The following UHRF2 variants were observed in gnomAD, a reference collection of about 807,000 sequenced individuals.
UHRF2 encodes ubiquitin like with PHD and ring finger domains 2.
A neutral mutation model predicts 96.8 loss-of-function variants in UHRF2; 23 were observed. That is an observed-to-expected ratio of 0.24 (90% CI 0.17 to 0.34). The LOEUF is 0.34. UHRF2 is among the 10% of genes least tolerant of loss of function. UHRF2 has a pLI of 1.00. For missense variants in UHRF2, 685 were observed against 981.5 expected, an observed-to-expected ratio of 0.70 and a Z score of 4.04; for synonymous variants, 385 against 332.6, an observed-to-expected ratio of 1.16 and a Z score of -1.72.
At chr9:6,440,229 A>C (rs1470228474) in intron 3 of UHRF2, among the ~76,000 whole-genome samples, 1 of 152,134 alleles carries the variant, frequency 6.6e-6, no homozygotes, top group Non-Finnish European at 1.5e-5. Flanking sequence ...AGTGTTTTTA[A>C]TAATATCTGT....
intron 9 of UHRF2, among the ~76,000 whole-genome samples, chr9:6,493,153 A>G (rs1435537228): frequency 2.0e-5 from 3 of 152,042 alleles, no homozygotes; most frequent in Non-Finnish European, 4.4e-5. Context: ...CAAAAGCTAG[A>G]CAGGCGTAGT....
intron 9 of UHRF2, among the ~76,000 whole-genome samples, chr9:6,489,875 G>A (rs577707596): frequency 6.6e-6 from 1 of 152,072 alleles, no homozygotes; most frequent in African/African-American, 2.4e-5. Context: ...ATAGAAAAGC[G>A]TGCTGGCTTT....
chr9:6,413,247 AGGCGGTGTCTGCGG>A lies in UHRF2; in HGVS notation c.-243_-230del, dbSNP rs924451504. On this transcript the variant is annotated 5_prime_UTR_variant, in exon 1 of 16. Transcript: ENST00000276893. ...CAGACATGGCCTCTTCCTATCTTTG[AGGCGGTGTCTGCGG>A]CAGCGCCTCAGAGTGGTTCCGGTCG... 1.1e-5 allele frequency: 2 copies of A among 187,568 alleles called. No homozygotes were observed. Among genetic ancestry groups the A allele is most frequent in the African/African-American group, 4.7e-5 (2 of 42,326 alleles). The allele number at this position is 187,568 out of a possible 1,614,324, so 11.6% of individuals were successfully genotyped here.
chr9:6,452,781 A>G (rs993769194), intron 3 of UHRF2, among the ~76,000 whole-genome samples: 1 of 152,164 alleles, frequency 6.6e-6, no homozygotes, highest in Non-Finnish European at 1.5e-5. Flanking sequence ...GATGCTTTGC[A>G]TTTGAGGTGC....
chr9:6,463,213 G>A (rs1015549206), intron 4 of UHRF2, among the ~76,000 whole-genome samples: 1 of 151,022 alleles, frequency 6.6e-6, no homozygotes, highest in African/African-American at 2.4e-5. Context: ...CCTGGGAGGC[G>A]CAGATTGCCG....
intron 10 of UHRF2, chr9:6,494,499 G>T (rs538153590): frequency 6.6e-6 from 1 of 152,270 alleles, no homozygotes; most frequent in East Asian, 1.9e-4. Flanking sequence ...GAGCCACCGT[G>T]TGCTGATCTT....
intron 4 of UHRF2, among the ~76,000 whole-genome samples, chr9:6,469,504 G>A (rs1484623357): frequency 2.0e-5 from 3 of 151,594 alleles, no homozygotes; most frequent in East Asian, 1.9e-4. Flanking sequence ...GCGACAGAGC[G>A]AGACTCTGTC....
chr9:6,434,887 G>A (rs1264435671), intron 3 of UHRF2, among the ~76,000 whole-genome samples: 1 of 151,976 alleles, frequency 6.6e-6, no homozygotes, highest in Admixed American at 6.6e-5. Flanking sequence ...CTGGAGTACA[G>A]CAATGTGATC....
chr9:6,494,626 C>G (rs772879120), intron 10 of UHRF2: 3 of 152,054 alleles, frequency 2.0e-5, no homozygotes, highest in Non-Finnish European at 2.9e-5. Context: ...GTAACCCAGA[C>G]CACCAGATAG....
intron 3 of UHRF2, among the ~76,000 whole-genome samples, chr9:6,445,739 CT>C (rs1199778649): frequency 6.6e-6 from 1 of 151,896 alleles, no homozygotes; most frequent in Non-Finnish European, 1.5e-5. Flanking sequence ...AAAAATTTTT[CT>C]TTTTGTAGAG....
At chr9:6,456,831 T>A (rs1220917206) in intron 3 of UHRF2, among the ~76,000 whole-genome samples, 1 of 152,186 alleles carries the variant, frequency 6.6e-6, no homozygotes, top group African/African-American at 2.4e-5. Context: ...TTGTCAAAGA[T>A]CAGATAGTTG....
chr9:6,426,046 A>G (rs1230724182), intron 2 of UHRF2, among the ~76,000 whole-genome samples: 3 of 152,222 alleles, frequency 2.0e-5, no homozygotes, highest in Non-Finnish European at 4.4e-5. Flanking sequence ...CAGTTTATGT[A>G]TCTGCACATC....
At chr9:6,438,695 G>C (rs1345808665) in intron 3 of UHRF2, among the ~76,000 whole-genome samples, 1 of 152,196 alleles carries the variant, frequency 6.6e-6, no homozygotes, top group Non-Finnish European at 1.5e-5. Flanking sequence ...ATGTTTGTCA[G>C]TTAAAATGGA....
Position 6,460,759 on chromosome 9 carries a change from C to A in UHRF2, c.831C>A (p.Thr277=). Residue 277 remains threonine (T), a synonymous_variant, in exon 4 of 16, where the codon ACC becomes ACA. Coordinates refer to ENST00000276893, the MANE Select transcript of UHRF2 (RefSeq NM_152896.3). ...EITTLKTISR[T]KKELRVKIFL... Reference sequence around the variant, plus strand: ...CCACATTGAAGACAATCTCAAGGACCAAAAAAGAACTTCGTGTGAAAATTT... The same window carrying A: ...CCACATTGAAGACAATCTCAAGGACAAAAAAAGAACTTCGTGTGAAAATTT... The A allele has an allele frequency of 6.2e-7, 1 of 1,611,546 alleles. No homozygotes were observed. The highest frequency in any genetic ancestry group is 1.3e-5 in the African/African-American group (1 of 74,764).
At chr9:6,495,951 G>A (rs1028157988) in intron 10 of UHRF2, 2 of 151,730 alleles carry the variant, frequency 1.3e-5, no homozygotes, top group Admixed American at 6.6e-5. Flanking sequence ...GTTGATGGCT[G>A]TGTTTTTTTC....
Position 6,455,219 on chromosome 9 carries a change from A to G in UHRF2, c.645-5354A>G, listed in dbSNP as rs567192422. Among the ~76,000 whole-genome samples the G allele has an allele frequency of 2.0e-5, 3 of 152,282 alleles. No homozygotes were observed. In the South Asian group the frequency reaches 6.2e-4, roughly 32 times the overall value. ...TTTGTTACATATGCATACATGTGCC[A>G]TGTTGGTGTGCTGCACCCATTAACT... On this transcript the variant is annotated intron_variant, in intron 3 of 15. Transcript: ENST00000276893.
At chr9:6,474,986 G>A (rs1435080822) in intron 4 of UHRF2, among the ~76,000 whole-genome samples, 1 of 151,996 alleles carries the variant, frequency 6.6e-6, no homozygotes, top group Non-Finnish European at 1.5e-5. Flanking sequence ...TTACATAAAA[G>A]AAATGTTAAA....
chr9:6,505,444 C>T (rs1005008568), intron 15 of UHRF2, among the ~76,000 whole-genome samples: 1 of 152,078 alleles, frequency 6.6e-6, no homozygotes, highest in African/African-American at 2.4e-5. Flanking sequence ...TACAAGCATG[C>T]ACCACCCTGC....
At chr9:6,493,976 G>T in intron 10 of UHRF2, 44 bp downstream of exon 10, 1 of 1,556,190 alleles carries the variant, frequency 6.4e-7, no homozygotes, top group Non-Finnish European at 8.8e-7. Flanking sequence ...TTGAATAAAA[G>T]TTTCATTATA....
Sources: gnomAD v4.1 joint callset for allele counts (sites outside exome capture counted in the v4.1 genomes callset) on GRCh38, gnomAD v4.1.1 for gene constraint, MANE v1.5 for transcripts, NCBI Gene and HGNC (gene_info 2026-07-23, HGNC 2026-07-21) for gene names.